The following STRN3 variants were observed in gnomAD, a reference collection of about 807,000 sequenced individuals.
STRN3 encodes striatin 3, also known as striatin-3.
A neutral mutation model predicts 95.6 loss-of-function variants in STRN3; 29 were observed. The observed-to-expected ratio is 0.30, with a 90% CI of 0.23 to 0.41. STRN3 has a LOEUF of 0.41. Among genes scored for constraint, STRN3 ranks in the 10% least tolerant of loss-of-function variants. The pLI, the probability that STRN3 is intolerant of heterozygous loss-of-function variation, is 1.00. For missense variants in STRN3, 890 were observed against 972.1 expected, an observed-to-expected ratio of 0.92 and a Z score of 1.12; for synonymous variants, 331 against 357.6, an observed-to-expected ratio of 0.93 and a Z score of 0.84.
At chr14:30,991,597 C>G (rs557636143) in intron 1 of STRN3, among the ~76,000 whole-genome samples, 20 of 152,214 alleles carry the variant, frequency 1.3e-4, no homozygotes, top group African/African-American at 4.8e-4. Flanking sequence ...AGGAAGTGTT[C>G]TAAGCAGAGG....
chr14:30,912,795 A>G (rs1379076470), intron 10 of STRN3, among the ~76,000 whole-genome samples: 1 of 152,132 alleles, frequency 6.6e-6, no homozygotes, highest in Non-Finnish European at 1.5e-5. Context: ...TCACTTATAT[A>G]CTTAAAAAAA....
At chr14:30,908,703 T>C (rs1359614803) in intron 13 of STRN3, among the ~76,000 whole-genome samples, 2 of 152,224 alleles carry the variant, frequency 1.3e-5, no homozygotes, top group African/African-American at 4.8e-5. Context: ...CTTCTGTCTC[T>C]TGGGTCACAC....
chr14:30,958,040 C>T (rs1003194793), intron 1 of STRN3, among the ~76,000 whole-genome samples: 1 of 152,148 alleles, frequency 6.6e-6, no homozygotes, highest in Admixed American at 6.5e-5. Context: ...AACTGTTACC[C>T]TAAAAAAAGT....
chr14:30,990,006 T>TGGAATGTGACAGAACAAGA (rs1881876716), intron 1 of STRN3, among the ~76,000 whole-genome samples: 1 of 150,116 alleles, frequency 6.7e-6, no homozygotes, highest in African/African-American at 2.5e-5. Flanking sequence ...TTCAGAAATG[T>TGGAATGTGACAGAACAAGA]GGAATGGGAC....
At chr14:30,984,135 C>A (rs1429984915) in intron 1 of STRN3, among the ~76,000 whole-genome samples, 2 of 103,380 alleles carry the variant, frequency 1.9e-5, no homozygotes, top group South Asian at 4.4e-4. Context: ...CCGCCCCCCC[C>A]AACCCCCCCC....
chr14:31,001,094 T>C (rs751160867), intron 1 of STRN3, among the ~76,000 whole-genome samples: 2 of 152,186 alleles, frequency 1.3e-5, no homozygotes, highest in Non-Finnish European at 2.9e-5. Context: ...ATGCTTCTGT[T>C]GAAATTGGTA....
chr14:30,949,447 C>G (rs1187181295), intron 4 of STRN3, among the ~76,000 whole-genome samples: 2 of 152,118 alleles, frequency 1.3e-5, no homozygotes, highest in Non-Finnish European at 2.9e-5. Flanking sequence ...CCTATTTCTA[C>G]TAAAAATACA....
Position 30,895,053 on chromosome 14 carries a change from CAAAAAAAAAAAAAA to C in STRN3, c.*344_*357del, listed in dbSNP as rs35858438. Reference sequence around the variant, plus strand: ...AACCCCTAAGGCAGCACACAGAGTCCAAAAAAAAAAAAAAAAAAAAAAAAAAGAAGAAGAAGAAG... The same window carrying C: ...AACCCCTAAGGCAGCACACAGAGTCCAAAAAAAAAAAAGAAGAAGAAGAAG... On this transcript the variant is annotated 3_prime_UTR_variant, in exon 18 of 18. Coordinates refer to ENST00000357479, the MANE Select transcript of STRN3 (RefSeq NM_001083893.2). The C allele has an allele frequency of 6.4e-4, 17 of 26,562 alleles. No individual in the cohort carries two copies. In the East Asian group the frequency reaches 0.011, roughly 17 times the overall value. 1.6% of individuals were successfully genotyped at this position (26,562 alleles called of 1,614,324 possible).
chr14:30,951,976 G>C (rs1879662989), intron 3 of STRN3, among the ~76,000 whole-genome samples: 1 of 152,132 alleles, frequency 6.6e-6, no homozygotes, highest in East Asian at 1.9e-4. Flanking sequence ...AAGTTAGCCA[G>C]GTATGGCGGC....
At chr14:30,935,010 C>A (rs1394098722) in intron 7 of STRN3, among the ~76,000 whole-genome samples, 153 bp downstream of exon 7, 1 of 152,124 alleles carries the variant, frequency 6.6e-6, no homozygotes, top group Non-Finnish European at 1.5e-5. Flanking sequence ...TAAATTGGTA[C>A]AAAATACCTT....
At chr14:30,897,218 A>G (rs1386854465) in intron 16 of STRN3, among the ~76,000 whole-genome samples, 1 of 152,226 alleles carries the variant, frequency 6.6e-6, no homozygotes, top group East Asian at 1.9e-4. Context: ...TGATGGGGCT[A>G]TAGCTGTTGA....
chr14:30,948,272 A>T (rs1879466046), intron 4 of STRN3, among the ~76,000 whole-genome samples: 1 of 152,188 alleles, frequency 6.6e-6, no homozygotes, highest in Non-Finnish European at 1.5e-5. Context: ...AAAAAATACA[A>T]GTGACAATGT....
intron 1 of STRN3, chr14:31,024,959 C>G (rs1241315471): frequency 6.6e-6 from 1 of 152,206 alleles, no homozygotes; most frequent in East Asian, 1.9e-4. Flanking sequence ...TAACTACCAA[C>G]AGCTTCCAAA....
chr14:30,963,081 T>C (rs1487733409), intron 1 of STRN3, among the ~76,000 whole-genome samples: 12 of 127,704 alleles, frequency 9.4e-5, no homozygotes, highest in Non-Finnish European at 2.0e-4. Context: ...ACGTGACACA[T>C]GACTACGCTA....
chr14:30,897,167 C>G (rs974993823), intron 16 of STRN3, among the ~76,000 whole-genome samples: 1 of 152,126 alleles, frequency 6.6e-6, no homozygotes, highest in Non-Finnish European at 1.5e-5. Flanking sequence ...CATGATGATA[C>G]TCTACACTAG....
At chr14:30,930,586 T>A (rs1878481902) in intron 7 of STRN3, among the ~76,000 whole-genome samples, 1 of 152,146 alleles carries the variant, frequency 6.6e-6, no homozygotes, top group Admixed American at 6.5e-5. Flanking sequence ...AGTTTGAAAT[T>A]AATCTGCTAA....
intron 1 of STRN3, chr14:31,014,815 A>T: frequency 5.6e-6 from 2 of 357,736 alleles, no homozygotes; most frequent in Non-Finnish European, 1.1e-5. Context: ...AACCACTTTA[A>T]AAAAAAAAAA....
chr14:30,971,217 C>G (rs1218677467), intron 1 of STRN3, among the ~76,000 whole-genome samples: 4 of 152,156 alleles, frequency 2.6e-5, no homozygotes, highest in African/African-American at 7.2e-5. Context: ...TAGTGGACAC[C>G]CTGCCAAACA....
intron 14 of STRN3, 46 bp from the exon 15 acceptor site, chr14:30,905,604 T>C: frequency 6.5e-7 from 1 of 1,544,610 alleles, no homozygotes. Flanking sequence ...GTAAAATTAC[T>C]ATGAAATCTC....
Sources: allele counts gnomAD v4.1 joint callset (sites outside exome capture counted in the v4.1 genomes callset), GRCh38; gene constraint gnomAD v4.1.1; transcripts MANE v1.5; gene names NCBI Gene and HGNC (gene_info 2026-07-23, HGNC 2026-07-21).